The following AGPAT3 variants were observed in gnomAD, a reference collection of about 807,000 sequenced individuals.
AGPAT3 encodes 1-acyl-sn-glycerol-3-phosphate acyltransferase gamma.
AGPAT3 carries 5 observed loss-of-function variants against 47.3 expected under a neutral mutation model. The observed-to-expected ratio is 0.11, with a 90% CI of 0.06 to 0.22. The LOEUF is 0.22. Among genes scored for constraint, AGPAT3 ranks in the 10% least tolerant of loss-of-function variants. The probability of loss-of-function intolerance (pLI) is 1.00; values close to 1 mark genes in which losing one functional copy is unlikely to be tolerated. For synonymous variants in AGPAT3, 212 were observed against 208.3 expected (o/e 1.02, Z -0.15); for missense variants, 315 against 493.0 (o/e 0.64, Z 3.42).
intron 2 of AGPAT3, among the ~76,000 whole-genome samples, chr21:43,931,497 A>G (rs1191356229): frequency 6.6e-6 from 1 of 152,202 alleles, no homozygotes; most frequent in African/African-American, 2.4e-5. Flanking sequence ...AGGAGATATT[A>G]TATTCCTATG....
At chr21:43,879,752 T>C (rs1268428274) in intron 1 of AGPAT3, among the ~76,000 whole-genome samples, 1 of 152,202 alleles carries the variant, frequency 6.6e-6, no homozygotes, top group African/African-American at 2.4e-5. Context: ...CTCTGAGTCC[T>C]GGCTGGGCCG....
chr21:43,963,191 C>T (rs546988066), intron 3 of AGPAT3, among the ~76,000 whole-genome samples: 9 of 152,150 alleles, frequency 5.9e-5, no homozygotes, highest in East Asian at 3.9e-4. Context: ...GTGAAATAGG[C>T]GTGAAAAGAT....
rs573346056 is a variant in AGPAT3 at position 43,982,151 on chromosome 21, C to A, written c.1043-153C>A. Among the ~76,000 whole-genome samples, 3 of 152,198 alleles carry A rather than the reference C, an allele frequency of 2.0e-5. No homozygotes were observed. Among genetic ancestry groups the A allele is most frequent in the Non-Finnish European group, 4.4e-5 (3 of 68,032 alleles). On this transcript the variant is annotated intron_variant, in intron 9 of 9. Coordinates refer to ENST00000291572, the MANE Select transcript of AGPAT3 (RefSeq NM_020132.5). The surrounding 1 kb of genome is among the most constrained non-coding windows in gnomAD (Gnocchi z 6.2). ...ACGGTCTGAGAGGGCTGTCTCCCCGCGGGCCACACCTACTCACTGACAGCA... is the reference window on the plus strand; with the variant it reads ...ACGGTCTGAGAGGGCTGTCTCCCCGAGGGCCACACCTACTCACTGACAGCA...
At chr21:43,973,062 A>T (rs1232392903) in intron 7 of AGPAT3, among the ~76,000 whole-genome samples, 2 of 152,254 alleles carry the variant, frequency 1.3e-5, no homozygotes, top group Admixed American at 6.5e-5. Flanking sequence ...GACACCACCC[A>T]GTTCTGGCCG....
At chr21:43,971,532 T>C in intron 7 of AGPAT3, 42 bp downstream of exon 7, 4 of 1,589,882 alleles carry the variant, frequency 2.5e-6, no homozygotes, top group Middle Eastern at 1.7e-4. Flanking sequence ...CCCCCATACC[T>C]TCATGAGCTT....
rs374369102 is a variant in AGPAT3 at position 43,958,948 on chromosome 21, C to T, written c.-48-686C>T. On this transcript the variant is annotated intron_variant, in intron 2 of 9. Coordinates refer to ENST00000291572, the MANE Select transcript of AGPAT3 (RefSeq NM_020132.5). ...ATGTGTGTGGCTTGTGTGTGTGTGG[C>T]GTGTATGTGGTTTTGCGGTGTGTGT... Among the ~76,000 whole-genome samples the T allele has an allele frequency of 1.7e-3, 96 of 56,318 alleles. No homozygotes were observed. The East Asian group carries it at 0.041, about 24-fold the overall frequency. The allele number at this position is 56,318 out of a possible 152,430, so 36.9% of individuals were successfully genotyped here. A position where few individuals can be genotyped will look rare whatever the true frequency, so the allele number is the denominator to read the frequency against.
chr21:43,945,287 C>T (rs1190855816), intron 2 of AGPAT3, among the ~76,000 whole-genome samples: 31 of 152,144 alleles, frequency 2.0e-4, no homozygotes, highest in East Asian at 1.9e-4. Flanking sequence ...GTTCTGTGTG[C>T]GATTTCAGGA....
intron 2 of AGPAT3, among the ~76,000 whole-genome samples, chr21:43,916,929 G>T (rs577225299): frequency 6.6e-5 from 10 of 152,110 alleles, no homozygotes; most frequent in African/African-American, 1.9e-4. Flanking sequence ...GTTTGTGGCC[G>T]CCTCGTGCTC....
At position 43,982,084 on chromosome 21, in the gene AGPAT3, G is replaced by A. The variant is rs550474104; in HGVS notation, c.1043-220G>A. Reference sequence around the variant, plus strand: ...CACGTGTCCACCTGCCTCGGACCCAGCCGGTCAGAAGACGTGCCCCTCACC... The same window carrying A: ...CACGTGTCCACCTGCCTCGGACCCAACCGGTCAGAAGACGTGCCCCTCACC... On this transcript the variant is annotated intron_variant, in intron 9 of 9. Coordinates refer to ENST00000291572, the MANE Select transcript of AGPAT3 (RefSeq NM_020132.5). This position sits in a 1 kb window ranked among gnomAD's most constrained non-coding sequence, Gnocchi z 6.2. 4.6e-5 allele frequency among the ~76,000 whole-genome samples: 7 copies of A among 152,340 alleles called. No homozygotes were observed. The South Asian group carries it at 1.4e-3, about 32-fold the overall frequency.
At position 43,986,119 on chromosome 21, in the gene AGPAT3, G is replaced by T. The variant is rs1362001343; in HGVS notation, c.*3727G>T. The T allele has an allele frequency of 6.6e-6, 1 of 152,264 alleles. No individual in the cohort carries two copies. The highest frequency in any genetic ancestry group is 2.4e-5 in the African/African-American group (1 of 41,460). The allele number at this position is 152,264 out of a possible 1,614,324, so 9.4% of individuals were successfully genotyped here. A position where few individuals can be genotyped will look rare whatever the true frequency, so the allele number is the denominator to read the frequency against. ...CGGCTCCGTATTCCTGCCTATCGGGGCCAGGATGCAAAAACAATTTTTGCG... is the reference window on the plus strand; with the variant it reads ...CGGCTCCGTATTCCTGCCTATCGGGTCCAGGATGCAAAAACAATTTTTGCG... On this transcript the variant is annotated 3_prime_UTR_variant, in exon 10 of 10. Transcript: ENST00000291572.
In AGPAT3 at chr21:43,987,238, C is replaced by CCTTCAGAGCCCA. The variant is rs1466330707; in HGVS notation, c.*4849_*4860dup. Among the ~76,000 whole-genome samples the CCTTCAGAGCCCA allele has an allele frequency of 6.6e-6, 1 of 152,246 alleles. No individual in the cohort carries two copies. Among genetic ancestry groups the CCTTCAGAGCCCA allele is most frequent in the East Asian group, 1.9e-4 (1 of 5,196 alleles). ...CACTCCTGTCCCATGGGGCCACCCA[C>CCTTCAGAGCCCA]CTTCAGAGCCCACTCCCACGGGCTC... is the stretch of plus-strand genomic sequence containing the variant. On this transcript the variant is annotated 3_prime_UTR_variant, in exon 10 of 10. Transcript: ENST00000291572.
chr21:43,910,559 C>T (rs952514106), intron 2 of AGPAT3, among the ~76,000 whole-genome samples: 6 of 152,088 alleles, frequency 3.9e-5, no homozygotes, highest in East Asian at 3.9e-4. Flanking sequence ...GAAGGTGGAG[C>T]GGAGGGCCGA....
chr21:43,892,275 C>A (rs940262449), intron 1 of AGPAT3, among the ~76,000 whole-genome samples: 5 of 151,656 alleles, frequency 3.3e-5, no homozygotes, highest in African/African-American at 1.2e-4. Context: ...CCACTGCACT[C>A]CAGCCCGGGC....
chr21:43,909,335 G>A (rs376267657), intron 2 of AGPAT3, among the ~76,000 whole-genome samples: 4 of 138,172 alleles, frequency 2.9e-5, no homozygotes, highest in Admixed American at 2.4e-4. Context: ...TCACTCTGTC[G>A]CCCAGGCCGG....
intron 2 of AGPAT3, among the ~76,000 whole-genome samples, chr21:43,909,373 G>A (rs549265953): frequency 2.0e-5 from 3 of 147,886 alleles, no homozygotes; most frequent in South Asian, 2.1e-4. Context: ...TCGGCTCACC[G>A]CAAGCTCCGT....
At chr21:43,928,481 G>A (rs2087130263) in intron 2 of AGPAT3, among the ~76,000 whole-genome samples, 2 of 152,092 alleles carry the variant, frequency 1.3e-5, no homozygotes, top group Admixed American at 6.5e-5. Context: ...ACTCTGGAGG[G>A]TTCAGTGCCT....
In AGPAT3 at chr21:43,934,481, A is replaced by G. The variant is rs183604016; in HGVS notation, c.-48-25153A>G. On this transcript the variant is annotated intron_variant, in intron 2 of 9. Coordinates refer to ENST00000291572, the MANE Select transcript of AGPAT3 (RefSeq NM_020132.5). This position sits in a 1 kb window ranked among gnomAD's most constrained non-coding sequence, Gnocchi z 4.7. ...GTCAGGAGGCTGGGCCTCCACTAGG[A>G]TGTTATACAGGCAGCATGGCTTAGG... Among the ~76,000 whole-genome samples the G allele has an allele frequency of 1.6e-3, 250 of 152,362 alleles. No individual in the cohort carries two copies. Among genetic ancestry groups the G allele is most frequent in the African/African-American group, 5.7e-3 (238 of 41,588 alleles).
chr21:43,919,321 A>G (rs2086836665), intron 2 of AGPAT3, among the ~76,000 whole-genome samples: 1 of 151,718 alleles, frequency 6.6e-6, no homozygotes, highest in Non-Finnish European at 1.5e-5. Context: ...CCCCTTCCCA[A>G]TTTCCCTGTC....
At position 43,982,322 on chromosome 21, in the gene AGPAT3, G is replaced by A; in HGVS notation, c.1061G>A (p.Arg354Lys). 1 of 1,613,734 alleles carries A rather than the reference G, an allele frequency of 6.2e-7. No individual in the cohort carries two copies. Among genetic ancestry groups the A allele is most frequent in the Non-Finnish European group, 8.5e-7 (1 of 1,179,850 alleles). ...FVGAASFGVR[R>K]LIGVTEIEKG... is the part of the protein sequence containing the mutation. ...TTGAAAGCTTCCTTTGGAGTTCGCA[G>A]ACTGATAGGAGTAACTGAGATAGAA... The change falls in exon 10 of 10, where the codon AGA becomes AAA. Residue 354 changes from arginine (R) to lysine (K), a missense_variant. Transcript: ENST00000291572. This position sits in a 1 kb window ranked among gnomAD's most constrained non-coding sequence, Gnocchi z 6.2.
Sources: gnomAD v4.1 joint callset for allele counts (sites outside exome capture counted in the v4.1 genomes callset) on GRCh38, gnomAD v4.1.1 for gene constraint, Gnocchi (gnomAD v3.1) non-coding constraint, MANE v1.5 for transcripts, NCBI Gene and HGNC (gene_info 2026-07-23, HGNC 2026-07-21) for gene names.